Variants in CHRDL2 observed in about 807,000 individuals in gnomAD.
The protein encoded by CHRDL2 is chordin like 2, also known as chordin-like protein 2.
CHRDL2 carries 41 observed loss-of-function variants against 54.3 expected under a neutral mutation model. The observed-to-expected ratio is 0.76, with a 90% confidence interval of 0.59 to 0.98. CHRDL2 has a LOEUF of 0.98. CHRDL2 is among the 50% of genes least tolerant of loss of function. CHRDL2 has a pLI of 0.00. For missense variants in CHRDL2, 518 were observed against 562.4 expected (o/e 0.92, Z 0.80); for synonymous variants, 220 against 224.3 (o/e 0.98, Z 0.17).
chr11:74,727,169 T>C (rs908301792), intron 1 of CHRDL2, among the ~76,000 whole-genome samples: 1 of 152,204 alleles, frequency 6.6e-6, no homozygotes, highest in South Asian at 2.1e-4. Context: ...CATCTCACTT[T>C]ACAGGGGAGA....
chr11:74,704,719 C>A (rs762947061), intron 6 of CHRDL2, 65 bp from the exon 7 acceptor site: 53 of 1,518,288 alleles, frequency 3.5e-5, no homozygotes, highest in African/African-American at 5.5e-5. Context: ...GGAGCCAGAA[C>A]AGCAAGACAG....
At chr11:74,704,699 G>C (rs772700189) in intron 6 of CHRDL2, 45 bp from the exon 7 acceptor site, 91 of 1,576,712 alleles carry the variant, frequency 5.8e-5, no homozygotes, top group Non-Finnish European at 7.2e-5. Context: ...GAGCATAGCA[G>C]GCCCCAGCTG....
At chr11:74,730,750 C>G (rs1261990347) in intron 1 of CHRDL2, 57 bp downstream of exon 1, 2 of 1,496,980 alleles carry the variant, frequency 1.3e-6, no homozygotes, top group Non-Finnish European at 1.8e-6. Flanking sequence ...GGCGCTGTCC[C>G]TCACATTCCA....
chr11:74,707,518 G>T (rs1346696248), intron 5 of CHRDL2, among the ~76,000 whole-genome samples: 1 of 152,188 alleles, frequency 6.6e-6, no homozygotes, highest in Non-Finnish European at 1.5e-5. Flanking sequence ...CCTGGGTTCT[G>T]TATAAAAGAC....
In CHRDL2 at chr11:74,711,574, C is replaced by T. The variant is rs75807459; in HGVS notation, c.290-583G>A. ...AAGCCTCTGGTCCTGAGAGAGCCCA[C>T]TCATTCATTCAAGACCCCTTGACTA... On this transcript the variant is annotated intron_variant, in intron 3 of 10. Coordinates refer to ENST00000376332, the MANE Select transcript of CHRDL2 (RefSeq NM_001278473.3). 3.6e-3 allele frequency among the ~76,000 whole-genome samples: 545 copies of T among 152,320 alleles called. 3 individuals are homozygous for T. The highest frequency in any genetic ancestry group is 0.013 in the African/African-American group (525 of 41,568).
At chr11:74,697,176 CG>C in intron 10 of CHRDL2, 28 bp downstream of exon 10, 1 of 1,573,796 alleles carries the variant, frequency 6.4e-7, no homozygotes, top group Non-Finnish European at 8.7e-7. Context: ...CTTCCTGCCC[CG>C]GCCCCATTCC....
Position 74,706,489 on chromosome 11 carries a change from C to T in CHRDL2, c.580G>A (p.Val194Met), listed in dbSNP as rs755868871. Residue 194 changes from valine to methionine, a missense_variant and splice_region_variant, in exon 6 of 11, where the codon GTG becomes ATG. Coordinates refer to ENST00000376332, the MANE Select transcript of CHRDL2 (RefSeq NM_001278473.3). ...CGTCAATAAGGCCGTGCACTCACCA[C>T]CCCATGGAGCGACTGCACACTGTCC... is the stretch of plus-strand genomic sequence containing the variant. ...EEDSVQSLHG[V>M]RHPQDPCSSD... is the part of the protein sequence containing the mutation. 1 of 1,614,052 alleles carries T rather than the reference C, an allele frequency of 6.2e-7. No homozygotes were observed. Among genetic ancestry groups the T allele is most frequent in the Non-Finnish European group, 8.5e-7 (1 of 1,179,930 alleles).
rs1172692187 is a variant in CHRDL2 at position 74,731,372 on chromosome 11, G to C, written c.-484C>G. The C allele has an allele frequency of 8.7e-5, 13 of 149,146 alleles. No homozygotes were observed. In the East Asian group the frequency reaches 2.5e-3, roughly 29 times the overall value. The allele number at this position is 149,146 out of a possible 1,614,324, so 9.2% of individuals were successfully genotyped here. A position where few individuals can be genotyped will look rare whatever the true frequency, so the allele number is the denominator to read the frequency against. On this transcript the variant is annotated 5_prime_UTR_variant, in exon 1 of 11. Coordinates refer to ENST00000376332, the MANE Select transcript of CHRDL2 (RefSeq NM_001278473.3). The surrounding 1 kb of genome is among the most constrained non-coding windows in gnomAD (Gnocchi z 4.4). ...GCGGGGCGGCGGTCCCAGCAGCGGC[G>C]GCGGCGCGGCGGCCGCGGAGGGAGG...
At chr11:74,722,243 T>C (rs1452622340) in intron 1 of CHRDL2, among the ~76,000 whole-genome samples, 2 of 152,072 alleles carry the variant, frequency 1.3e-5, no homozygotes, top group East Asian at 1.9e-4. Context: ...CCCTGATTCC[T>C]CTCCCACCCC....
At chr11:74,703,528 G>C (rs575861558) in intron 7 of CHRDL2, 29 bp from the exon 8 acceptor site, 15 of 1,522,336 alleles carry the variant, frequency 9.9e-6, no homozygotes, top group South Asian at 1.3e-5. Context: ...AAGGAAGGAG[G>C]ATCAGGGCCT....
intron 4 of CHRDL2, among the ~76,000 whole-genome samples, chr11:74,708,833 G>C (rs2034098203): frequency 6.6e-6 from 1 of 152,200 alleles, no homozygotes; most frequent in Non-Finnish European, 1.5e-5. Context: ...TTTACTGAAA[G>C]CCCTTGGTTT....
At chr11:74,718,914 T>G in intron 1 of CHRDL2, 82 bp from the exon 2 acceptor site, 1 of 857,396 alleles carries the variant, frequency 1.2e-6, no homozygotes, top group Non-Finnish European at 1.9e-6. Context: ...TTTCTAGCTC[T>G]AAAAGAGATG....
chr11:74,714,261 C>T (rs763250827), intron 2 of CHRDL2, among the ~76,000 whole-genome samples: 7 of 152,120 alleles, frequency 4.6e-5, no homozygotes, highest in Non-Finnish European at 8.8e-5. Flanking sequence ...GATTCAACCA[C>T]GAATTCCAAA....
At chr11:74,702,153 G>A (rs937440454) in intron 9 of CHRDL2, among the ~76,000 whole-genome samples, 2 of 152,032 alleles carry the variant, frequency 1.3e-5, no homozygotes, top group African/African-American at 4.8e-5. Flanking sequence ...CTACTCAGGA[G>A]GCTGAGATGG....
chr11:74,730,769 AT>A, intron 1 of CHRDL2, 37 bp downstream of exon 1: 1 of 1,557,250 alleles, frequency 6.4e-7, no homozygotes. Context: ...CAGGGGCCGC[AT>A]CCCTCCTCTG....
Position 74,696,589 on chromosome 11 carries a change from C to T in CHRDL2, c.1214-4G>A, listed in dbSNP as rs886888739. ...GCTAGGAAGACGTTCCAGTGACCTG[C>T]ATGGAGGAGGGCAGAAGAGGGAAGA... is the stretch of plus-strand genomic sequence containing the variant. On this transcript the variant is annotated splice_polypyrimidine_tract_variant and splice_region_variant and intron_variant, in intron 10 of 10. Coordinates refer to ENST00000376332, the MANE Select transcript of CHRDL2 (RefSeq NM_001278473.3). The T allele has an allele frequency of 1.9e-6, 3 of 1,611,226 alleles. No homozygotes were observed. Among genetic ancestry groups the T allele is most frequent in the African/African-American group, 1.3e-5 (1 of 74,810 alleles).
Position 74,702,985 on chromosome 11 carries a change from T to G in CHRDL2, c.947-18A>C. ...TTTGTCCTCTGGAGAGACAAGAAGC[T>G]CATGAAGTGTTCAATAAACGTTGGC... On this transcript the variant is annotated intron_variant, in intron 8 of 10. Transcript: ENST00000376332. 1 of 1,586,298 alleles carries G rather than the reference T, an allele frequency of 6.3e-7. No homozygotes were observed. The highest frequency in any genetic ancestry group is 2.2e-5 in the East Asian group (1 of 44,572).
At chr11:74,698,249 T>A (rs1426637868) in intron 9 of CHRDL2, 3 of 122,406 alleles carry the variant, frequency 2.5e-5, no homozygotes, top group Non-Finnish European at 3.4e-5. Context: ...TTTTTTTGTA[T>A]TTTTAGTAGA....
Position 74,708,495 on chromosome 11 carries a change from C to T in CHRDL2, c.433-100G>A, listed in dbSNP as rs979267904. 3.4e-6 allele frequency: 3 copies of T among 869,872 alleles called. No homozygotes were observed. The African/African-American group carries it at 5.3e-5, about 15-fold the overall frequency. 53.9% of individuals were successfully genotyped at this position (869,872 alleles called of 1,614,324 possible). ...CCCTGGGAGCAAATGGCCTTGAGGT[C>T]TCTCCTATGGTGGGGAGGGGAAGCA... On this transcript the variant is annotated intron_variant, in intron 4 of 10. Coordinates refer to ENST00000376332, the MANE Select transcript of CHRDL2 (RefSeq NM_001278473.3).
Sources: gnomAD v4.1 joint callset for allele counts (sites outside exome capture counted in the v4.1 genomes callset) on GRCh38, gnomAD v4.1.1 for gene constraint, Gnocchi (gnomAD v3.1) non-coding constraint, MANE v1.5 for transcripts, NCBI Gene and HGNC (gene_info 2026-07-23, HGNC 2026-07-21) for gene names.